Variants in LTB4R observed in about 807,000 individuals in gnomAD.
LTB4R encodes leukotriene B4 receptor.
For synonymous variants in LTB4R, 250 were observed against 230.7 expected (o/e 1.08, Z -0.76); for missense variants, 470 against 485.6 (o/e 0.97, Z 0.30).
rs1424401798 is a variant in LTB4R at position 24,316,711 on chromosome 14, G to T, written c.*1G>T. 1.3e-6 allele frequency: 2 copies of T among 1,521,180 alleles called. No homozygotes were observed. Among genetic ancestry groups the T allele is most frequent in the South Asian group, 1.2e-5 (1 of 82,078 alleles). The allele number at this position is 1,521,180 out of a possible 1,614,324, so 94.2% of individuals were successfully genotyped here. Reference sequence around the variant, plus strand: ...TCTCAAGTTAAACGAACTGAACTAGGCCTGGTGGAAGGAGGCGCACTTTCC... The same window carrying T: ...TCTCAAGTTAAACGAACTGAACTAGTCCTGGTGGAAGGAGGCGCACTTTCC... On this transcript the variant is annotated 3_prime_UTR_variant, in exon 2 of 2. Transcript: ENST00000345363.
rs1035732098 is a variant in LTB4R at position 24,316,462 on chromosome 14, A to G, written c.811A>G (p.Ile271Val). 1.3e-6 allele frequency: 2 copies of G among 1,565,020 alleles called. No individual in the cohort carries two copies. Among genetic ancestry groups the G allele is most frequent in the African/African-American group, 2.7e-5 (2 of 73,942 alleles). Residue 271 changes from isoleucine (I) to valine (V), a missense_variant, in exon 2 of 2, where the codon ATC becomes GTC. Ile to Val is a conservative substitution (Grantham distance 29). Coordinates refer to ENST00000345363, the MANE Select transcript of LTB4R (RefSeq NM_001143919.3). ...KRLSLARNVL[I>V]ALAFLSSSVN... ...GCTGAGCCTGGCCCGCAACGTGCTC[A>G]TCGCACTCGCCTTCCTGAGCAGCAG...
At position 24,315,991 on chromosome 14, in the gene LTB4R, G is replaced by C. The variant is rs2041765138; in HGVS notation, c.340G>C (p.Asp114His). 3.7e-6 allele frequency: 6 copies of C among 1,613,998 alleles called. No individual in the cohort carries two copies. The highest frequency in any genetic ancestry group is 4.2e-6 in the Non-Finnish European group (5 of 1,180,054). Reference sequence around the variant, plus strand: ...CCTGCTTATCACGGCCATGAGTCTAGACCGCTCACTGGCGGTGGCCCGCCC... The same window carrying C: ...CCTGCTTATCACGGCCATGAGTCTACACCGCTCACTGGCGGTGGCCCGCCC... ...SVLLITAMSL[D>H]RSLAVARPFV... The change falls in exon 2 of 2, where the codon GAC (aspartate) becomes CAC (histidine). Residue 114 changes from aspartate to histidine, a missense_variant. Asp to His is a moderately conservative substitution (Grantham distance 81). Coordinates refer to ENST00000345363, the MANE Select transcript of LTB4R (RefSeq NM_001143919.3).
rs765670183 is a variant in LTB4R at position 24,315,932 on chromosome 14, A to C, written c.281A>C (p.His94Pro). The change falls in exon 2 of 2, where the codon CAC becomes CCC. Residue 94 changes from histidine (H) to proline (P), a missense_variant. His to Pro is a moderately conservative substitution (Grantham distance 77, BLOSUM62 -2). Transcript: ENST00000345363. ...GGACTGGCTGGTTGCCGCCTGTGTC[A>C]CTATGTCTGCGGAGTCAGCATGTAC... ...SFGLAGCRLC[H>P]YVCGVSMYAS... 2.5e-6 allele frequency: 4 copies of C among 1,614,094 alleles called. No homozygotes were observed. The highest frequency in any genetic ancestry group is 3.4e-6 in the Non-Finnish European group (4 of 1,180,034).
rs1241715684 is a variant in LTB4R at position 24,315,908 on chromosome 14, G to A, written c.257G>A (p.Gly86Glu). 6.2e-7 allele frequency: 1 copy of A among 1,614,166 alleles called. No homozygotes were observed. The highest frequency in any genetic ancestry group is 1.7e-5 in the Admixed American group (1 of 60,024). The change falls in exon 2 of 2, where the codon GGA becomes GAA. Residue 86 changes from glycine to glutamate, a missense_variant. Coordinates refer to ENST00000345363, the MANE Select transcript of LTB4R (RefSeq NM_001143919.3). Reference protein sequence around the residue: ...HFLAQGTWSFGLAGCRLCHYV... With the variant: ...HFLAQGTWSFELAGCRLCHYV... ...CTGGCCCAAGGCACCTGGAGTTTTG[G>A]ACTGGCTGGTTGCCGCCTGTGTCAC...
rs529949593 is a variant in LTB4R, at chr14:24,317,903, G to C, written c.*1193G>C. 5.6e-6 allele frequency: 1 copy of C among 179,054 alleles called. No individual in the cohort carries two copies. The highest frequency in any genetic ancestry group is 1.3e-5 in the Non-Finnish European group (1 of 74,332). 11.1% of individuals were successfully genotyped at this position (179,054 alleles called of 1,614,324 possible). A position where few individuals can be genotyped will look rare whatever the true frequency, so the allele number is the denominator to read the frequency against. On this transcript the variant is annotated 3_prime_UTR_variant, in exon 2 of 2. Coordinates refer to ENST00000345363, the MANE Select transcript of LTB4R (RefSeq NM_001143919.3). Reference sequence around the variant, plus strand: ...TGGAAGGTATGGTGCACCAATTTGAGAACAGCAGCTGAAACTGGGAGGGAC... The same window carrying C: ...TGGAAGGTATGGTGCACCAATTTGACAACAGCAGCTGAAACTGGGAGGGAC...
chr14:24,316,325 T>C lies in LTB4R; in HGVS notation c.674T>C (p.Leu225Pro). ...CGCCGCACCGGCCGCCTGGTGGTGC[T>C]CATCATCCTGACCTTCGCCGCCTTC... ...RSRRTGRLVV[L>P]IILTFAAFWL... Residue 225 changes from leucine (L) to proline (P), a missense_variant, in exon 2 of 2, where the codon CTC becomes CCC. By Grantham distance (98) the Leu-to-Pro change is moderately conservative. Transcript: ENST00000345363. 1 of 1,600,256 alleles carries C rather than the reference T, an allele frequency of 6.2e-7. No individual in the cohort carries two copies. Among genetic ancestry groups the C allele is most frequent in the Non-Finnish European group, 8.5e-7 (1 of 1,175,244 alleles).
Position 24,316,798 on chromosome 14 carries a change from GGC to G in LTB4R, c.*90_*91del. ...CTGGAGGAGGAGCAGGGGCGTGGAG[GGC>G]GTGGAGGGCGTGGGAGCGTGGGAGG... is the stretch of plus-strand genomic sequence containing the variant. On this transcript the variant is annotated 3_prime_UTR_variant, in exon 2 of 2. Transcript: ENST00000345363. 1 of 1,079,814 alleles carries G rather than the reference GGC, an allele frequency of 9.3e-7. No homozygotes were observed. Among genetic ancestry groups the G allele is most frequent in the African/African-American group, 1.7e-5 (1 of 59,572 alleles). The allele number at this position is 1,079,814 out of a possible 1,614,324, so 66.9% of individuals were successfully genotyped here.
At position 24,315,818 on chromosome 14, in the gene LTB4R, T is replaced by C; in HGVS notation, c.167T>C (p.Met56Thr). 6.2e-7 allele frequency: 1 copy of C among 1,614,256 alleles called. No homozygotes were observed. Among genetic ancestry groups the C allele is most frequent in the South Asian group, 1.1e-5 (1 of 91,090 alleles). ...CAGAAGCGCTCTGTCACTGCCCTGA[T>C]GGTGCTGAACCTGGCCCTGGCCGAC... Reference protein sequence around the residue: ...RMQKRSVTALMVLNLALADLA... With the variant: ...RMQKRSVTALTVLNLALADLA... The change falls in exon 2 of 2, where the codon ATG becomes ACG. Residue 56 changes from methionine (M) to threonine (T), a missense_variant. By Grantham distance (81) the Met-to-Thr change is moderately conservative. Coordinates refer to ENST00000345363, the MANE Select transcript of LTB4R (RefSeq NM_001143919.3).
chr14:24,316,734 T>G lies in LTB4R; in HGVS notation c.*24T>G. 1 of 1,484,950 alleles carries G rather than the reference T, an allele frequency of 6.7e-7. No homozygotes were observed. Among genetic ancestry groups the G allele is most frequent in the Non-Finnish European group, 9.0e-7 (1 of 1,115,572 alleles). The allele number at this position is 1,484,950 out of a possible 1,614,324, so 92.0% of individuals were successfully genotyped here. A position where few individuals can be genotyped will look rare whatever the true frequency, so the allele number is the denominator to read the frequency against. The stretch of plus-strand genomic sequence containing the variant: ...AGGCCTGGTGGAAGGAGGCGCACTT[T>G]CCTCCTGGCAGAATGCTAGCTCTGA... On this transcript the variant is annotated 3_prime_UTR_variant, in exon 2 of 2. Coordinates refer to ENST00000345363, the MANE Select transcript of LTB4R (RefSeq NM_001143919.3).
rs1350970373 is a variant in LTB4R at position 24,311,520 on chromosome 14, G to C, written c.-300G>C. 1 of 1,603,548 alleles carries C rather than the reference G, an allele frequency of 6.2e-7. No homozygotes were observed. The highest frequency in any genetic ancestry group is 8.5e-7 in the Non-Finnish European group (1 of 1,179,990). On this transcript the variant is annotated 5_prime_UTR_variant, in exon 1 of 2. Transcript: ENST00000345363. ...CTTCTTCAGTTCTAGCGTCAACCCGGTGCTCTACGTCTTCACCGCTGGAGA... is the reference window on the plus strand; with the variant it reads ...CTTCTTCAGTTCTAGCGTCAACCCGCTGCTCTACGTCTTCACCGCTGGAGA...
In LTB4R at chr14:24,316,695, A is replaced by G. The variant is rs1647089878; in HGVS notation, c.1044A>G (p.Leu348=). 1.2e-5 allele frequency: 18 copies of G among 1,533,726 alleles called. No individual in the cohort carries two copies. The highest frequency in any genetic ancestry group is 1.6e-5 in the Non-Finnish European group (18 of 1,140,646). Reference sequence around the variant, plus strand: ...TCACTGCCTCCAGCCCTCTCAAGTTAAACGAACTGAACTAGGCCTGGTGGA... The same window carrying G: ...TCACTGCCTCCAGCCCTCTCAAGTTGAACGAACTGAACTAGGCCTGGTGGA... ...ESLTASSPLK[L]NELN is the part of the protein sequence containing the mutation. The change falls in exon 2 of 2, where the codon TTA becomes TTG. Residue 348 remains leucine, a synonymous_variant. Coordinates refer to ENST00000345363, the MANE Select transcript of LTB4R (RefSeq NM_001143919.3).
intron 1 of LTB4R, chr14:24,312,009 G>T: frequency 2.1e-6 from 1 of 468,132 alleles, no homozygotes. Context: ...GCCAATAGCT[G>T]TTATTGTGAA....
At position 24,315,616 on chromosome 14, in the gene LTB4R, G is replaced by C. The variant is rs764867875; in HGVS notation, c.-15-21G>C. On this transcript the variant is annotated intron_variant, in intron 1 of 1. Transcript: ENST00000345363. ...CCCTTGGTCCTCTACTCTCATGCGT[G>C]TGTCCGCCCTCACTCTCCAGGTCCT... The C allele has an allele frequency of 2.6e-6, 4 of 1,535,164 alleles. No homozygotes were observed. In the African/African-American group the frequency reaches 5.4e-5, roughly 21 times the overall value.
intron 1 of LTB4R, among the ~76,000 whole-genome samples, chr14:24,315,217 C>G (rs1394026235): frequency 2.0e-5 from 3 of 152,156 alleles, no homozygotes; most frequent in East Asian, 1.9e-4. Context: ...GGACAGTAGG[C>G]AGGTGATTGG....
Position 24,316,313 on chromosome 14 carries a change from G to T in LTB4R, c.662G>T (p.Arg221Leu). The T allele has an allele frequency of 6.2e-7, 1 of 1,600,924 alleles. No homozygotes were observed. Among genetic ancestry groups the T allele is most frequent in the Non-Finnish European group, 8.5e-7 (1 of 1,175,398 alleles). ...TTCCGCCGCAGCCGCCGCACCGGCC[G>T]CCTGGTGGTGCTCATCATCCTGACC... ...RRFRRSRRTGRLVVLIILTFA... is the reference protein window; with the variant it reads ...RRFRRSRRTGLLVVLIILTFA... Residue 221 changes from arginine (R) to leucine (L), a missense_variant, in exon 2 of 2, where the codon CGC becomes CTC. Arg to Leu is a moderately radical substitution (Grantham distance 102, BLOSUM62 -2). Coordinates refer to ENST00000345363, the MANE Select transcript of LTB4R (RefSeq NM_001143919.3).
At chr14:24,312,325 G>A (rs1319095639) in intron 1 of LTB4R, among the ~76,000 whole-genome samples, 1 of 152,230 alleles carries the variant, frequency 6.6e-6, no homozygotes, top group Non-Finnish European at 1.5e-5. Flanking sequence ...TGGCTCTGAA[G>A]GGGAAAATGA....
chr14:24,316,345 G>A lies in LTB4R; in HGVS notation c.694G>A (p.Ala232Thr), dbSNP rs776709653. The A allele has an allele frequency of 2.5e-6, 4 of 1,596,072 alleles. No individual in the cohort carries two copies. Among genetic ancestry groups the A allele is most frequent in the Non-Finnish European group, 2.6e-6 (3 of 1,174,280 alleles). ...LVVLIILTFAAFWLPYHVVNL... is the reference protein window; with the variant it reads ...LVVLIILTFATFWLPYHVVNL... ...GGTGCTCATCATCCTGACCTTCGCC[G>A]CCTTCTGGCTGCCCTACCACGTGGT... The change falls in exon 2 of 2, where the codon GCC becomes ACC. Residue 232 changes from alanine to threonine, a missense_variant. Coordinates refer to ENST00000345363, the MANE Select transcript of LTB4R (RefSeq NM_001143919.3).
chr14:24,312,036 T>C (rs1251009257), intron 1 of LTB4R: 1 of 395,348 alleles, frequency 2.5e-6, no homozygotes, highest in Non-Finnish European at 4.7e-6. Context: ...TGGGAAGCCA[T>C]TAGATGATGA....
chr14:24,312,710 A>T (rs2041729867), intron 1 of LTB4R, among the ~76,000 whole-genome samples: 1 of 152,164 alleles, frequency 6.6e-6, no homozygotes, highest in Non-Finnish European at 1.5e-5. Flanking sequence ...ACCTTTTGGA[A>T]TCCTTATCTA....
Sources: allele counts gnomAD v4.1 joint callset (sites outside exome capture counted in the v4.1 genomes callset), GRCh38; gene constraint gnomAD v4.1.1; transcripts MANE v1.5; gene names NCBI Gene and HGNC (gene_info 2026-07-23, HGNC 2026-07-21).